CEP112: variants seen among roughly 807,000 people sequenced by gnomAD.
The protein encoded by CEP112 is centrosomal protein of 112 kDa.
CEP112 carries 127 observed loss-of-function variants against 153.0 expected under a neutral mutation model. The observed-to-expected ratio is 0.83, with a 90% CI of 0.72 to 0.96. The LOEUF is 0.96. Ranked by LOEUF, CEP112 falls within the 40% of genes least tolerant of loss-of-function variation. CEP112 has a pLI of 0.00. For synonymous variants in CEP112, 358 were observed against 374.4 expected (o/e 0.96, Z 0.51); for missense variants, 1,089 against 1,101.2 (o/e 0.99, Z 0.16).
At chr17:65,901,206 A>G (rs2059834537) in intron 20 of CEP112, among the ~76,000 whole-genome samples, 1 of 152,226 alleles carries the variant, frequency 6.6e-6, no homozygotes, top group African/African-American at 2.4e-5. Context: ...CGGAGGAAGA[A>G]TAACTACAGG....
chr17:65,701,029 A>T (rs1403079110), intron 23 of CEP112, among the ~76,000 whole-genome samples: 2 of 152,192 alleles, frequency 1.3e-5, no homozygotes, highest in Non-Finnish European at 2.9e-5. Flanking sequence ...AAAAAGCACA[A>T]TTTTACAGAC....
chr17:65,945,283 C>T (rs954967110), intron 18 of CEP112, among the ~76,000 whole-genome samples: 1 of 152,192 alleles, frequency 6.6e-6, no homozygotes, highest in African/African-American at 2.4e-5. Context: ...ATCCATGTTA[C>T]TTCTGATGGA....
intron 24 of CEP112, among the ~76,000 whole-genome samples, chr17:65,677,327 A>C (rs1406878973): frequency 6.6e-6 from 1 of 152,230 alleles, no homozygotes; most frequent in African/African-American, 2.4e-5. Context: ...GCTGGATTCA[A>C]AACAAACTTT....
intron 8 of CEP112, among the ~76,000 whole-genome samples, chr17:66,072,004 A>G (rs1335560795): frequency 1.3e-5 from 2 of 152,194 alleles, no homozygotes; most frequent in East Asian, 1.9e-4. Context: ...TTGCCTTGGC[A>G]TAATATTAAA....
chr17:66,139,546 G>A (rs921161967), intron 4 of CEP112, among the ~76,000 whole-genome samples: 3 of 152,166 alleles, frequency 2.0e-5, no homozygotes, highest in Non-Finnish European at 2.9e-5. Flanking sequence ...ATGTCAAGGC[G>A]GCAGTGAGCA....
intron 23 of CEP112, among the ~76,000 whole-genome samples, chr17:65,723,494 T>C (rs558113445): frequency 3.0e-4 from 45 of 152,342 alleles, no homozygotes; most frequent in Middle Eastern, 6.8e-3. Flanking sequence ...GCCAAGTTTA[T>C]TGGGAGGAAC....
At chr17:65,772,910 GATGAC>G (rs1310757098) in intron 21 of CEP112, among the ~76,000 whole-genome samples, 1 of 118,858 alleles carries the variant, frequency 8.4e-6, no homozygotes, top group Non-Finnish European at 1.7e-5. Flanking sequence ...TGATGATGAT[GATGAC>G]AATGACAATG....
Position 66,176,948 on chromosome 17 carries a change from C to T in CEP112, c.179G>A (p.Arg60Lys). 1.2e-6 allele frequency: 2 copies of T among 1,613,932 alleles called. No individual in the cohort carries two copies. Among genetic ancestry groups the T allele is most frequent in the Non-Finnish European group, 8.5e-7 (1 of 1,179,884 alleles). The change falls in exon 3 of 27, where the codon AGG (arginine) becomes AAG (lysine). Residue 60 changes from arginine to lysine, a missense_variant. Coordinates refer to ENST00000535342, the MANE Select transcript of CEP112 (RefSeq NM_001199165.4). ...PSGTGAGIMG[R>K]KNRNLYAKLL... ...TTTTGCATACAGGTTCCGATTCTTC[C>T]TCCCCATTATTCCTGCACCTGTTCC...
At chr17:65,736,191 C>G (rs2050794736) in intron 23 of CEP112, among the ~76,000 whole-genome samples, 1 of 121,162 alleles carries the variant, frequency 8.3e-6, no homozygotes, top group East Asian at 2.1e-4. Flanking sequence ...GGAGTTTTCT[C>G]TAGGAACTGA....
chr17:65,648,776 T>C (rs1452436047), intron 24 of CEP112, among the ~76,000 whole-genome samples: 1 of 152,022 alleles, frequency 6.6e-6, no homozygotes, highest in Non-Finnish European at 1.5e-5. Context: ...ATTGACCGGG[T>C]GGACTGGCTC....
chr17:65,796,042 G>A (rs761516425), intron 21 of CEP112, among the ~76,000 whole-genome samples: 18 of 151,890 alleles, frequency 1.2e-4, no homozygotes, highest in Non-Finnish European at 1.9e-4. Flanking sequence ...ATTCTTCCTC[G>A]AGTGCTCCCA....
At chr17:65,920,359 C>CAAAAAAAAAAAAAAAAAAA (rs1555713306) in intron 19 of CEP112, among the ~76,000 whole-genome samples, 2 of 29,830 alleles carry the variant, frequency 6.7e-5, no homozygotes, top group African/African-American at 2.6e-4. Flanking sequence ...AACAAACAAA[C>CAAAAAAAAAAAAAAAAAAA]AAAATATATA....
intron 24 of CEP112, among the ~76,000 whole-genome samples, chr17:65,665,478 T>C (rs1036272207): frequency 6.6e-6 from 1 of 152,194 alleles, no homozygotes; most frequent in African/African-American, 2.4e-5. Flanking sequence ...ACAGGGCAGA[T>C]GAAAGACAAG....
At position 65,655,450 on chromosome 17, in the gene CEP112, A is replaced by G. The variant is rs1192010783; in HGVS notation, c.2698-14385T>C. The G allele has an allele frequency of 9.4e-6, 10 of 1,065,546 alleles. No homozygotes were observed. The South Asian group carries it at 1.1e-4, about 12-fold the overall frequency. 66.0% of individuals were successfully genotyped at this position (1,065,546 alleles called of 1,614,324 possible). A position where few individuals can be genotyped will look rare whatever the true frequency, so the allele number is the denominator to read the frequency against. On this transcript the variant is annotated intron_variant, in intron 24 of 26. Transcript: ENST00000535342. ...TTTTGTCTTTGACTGCTGTCTTTTGAATGGGCCACAGTGTTTATGTACTCT... is the reference window on the plus strand; with the variant it reads ...TTTTGTCTTTGACTGCTGTCTTTTGGATGGGCCACAGTGTTTATGTACTCT...
chr17:65,979,846 A>ATAAACCT (rs1304871329), intron 17 of CEP112, among the ~76,000 whole-genome samples: 1 of 152,190 alleles, frequency 6.6e-6, no homozygotes, highest in African/African-American at 2.4e-5. Context: ...TATGGGTAAG[A>ATAAACCT]TAAACCTTGC....
chr17:66,131,065 G>A (rs888208713), intron 5 of CEP112, among the ~76,000 whole-genome samples: 12 of 152,112 alleles, frequency 7.9e-5, no homozygotes, highest in South Asian at 2.1e-4. Flanking sequence ...CATGCTTTTA[G>A]AAGGCTTAAT....
chr17:65,973,989 T>C (rs993131972), intron 17 of CEP112, among the ~76,000 whole-genome samples: 1 of 152,144 alleles, frequency 6.6e-6, no homozygotes, highest in African/African-American at 2.4e-5. Flanking sequence ...ATTAAAACCG[T>C]GTCATTATTT....
chr17:65,784,970 T>TAAC (rs1598576658), intron 21 of CEP112, among the ~76,000 whole-genome samples: 1 of 152,258 alleles, frequency 6.6e-6, no homozygotes, highest in East Asian at 1.9e-4. Context: ...CCATCCCTAT[T>TAAC]AACAGTCACT....
intron 11 of CEP112, among the ~76,000 whole-genome samples, chr17:66,058,362 C>T (rs1215043838): frequency 1.3e-5 from 2 of 151,708 alleles, no homozygotes; most frequent in Non-Finnish European, 2.9e-5. Context: ...AAGATAAAAC[C>T]AAAATGTGAG....
Sources: allele counts gnomAD v4.1 joint callset (sites outside exome capture counted in the v4.1 genomes callset), GRCh38; gene constraint gnomAD v4.1.1; transcripts MANE v1.5; gene names NCBI Gene and HGNC (gene_info 2026-07-23, HGNC 2026-07-21).